The following CSMD1 variants were observed in gnomAD, a reference collection of about 807,000 sequenced individuals.
CSMD1 encodes the protein CUB and sushi domain-containing protein 1.
In CSMD1, 213 loss-of-function variants were observed where a neutral mutation model predicts 417.5. The ratio of observed to expected loss-of-function variants is 0.51; its 90% CI spans 0.46 to 0.57. The LOEUF is 0.57. Among genes scored for constraint, CSMD1 ranks in the 20% least tolerant of loss-of-function variants. The probability of loss-of-function intolerance (pLI) is 0.00; values close to 1 mark genes in which losing one functional copy is unlikely to be tolerated. For missense variants in CSMD1, 6,923 were observed against 4,529.7 expected (o/e 1.53, Z -15.17); for synonymous variants, 2,862 against 1,736.8 (o/e 1.65, Z -16.11).
At chr8:3,517,876 C>A (rs1211792203) in intron 10 of CSMD1, among the ~76,000 whole-genome samples, 7 of 152,170 alleles carry the variant, frequency 4.6e-5, no homozygotes, top group South Asian at 2.1e-4. Context: ...CAACCCCATT[C>A]TTAAAGGAGA....
chr8:3,387,318 G>C (rs184264620), intron 18 of CSMD1, among the ~76,000 whole-genome samples, 176 bp downstream of exon 18: 13 of 152,288 alleles, frequency 8.5e-5, no homozygotes, highest in Non-Finnish European at 1.6e-4. Context: ...ATACACGGTG[G>C]TAGGTAAACT....
At chr8:4,451,760 A>G (rs145366842) in intron 2 of CSMD1, among the ~76,000 whole-genome samples, 7 of 152,178 alleles carry the variant, frequency 4.6e-5, no homozygotes, top group African/African-American at 1.7e-4. Flanking sequence ...TGATACAGAT[A>G]GAACCATCAG....
At chr8:3,486,772 C>A (rs1434974923) in intron 11 of CSMD1, among the ~76,000 whole-genome samples, 1 of 152,336 alleles carries the variant, frequency 6.6e-6, no homozygotes, top group Non-Finnish European at 1.5e-5. Flanking sequence ...CCTGACTCTG[C>A]TGGCTTTCCC....
chr8:4,085,027 A>G (rs1049726046), intron 3 of CSMD1, among the ~76,000 whole-genome samples: 1 of 152,202 alleles, frequency 6.6e-6, no homozygotes, highest in Non-Finnish European at 1.5e-5. Context: ...TATGCAAACT[A>G]TCCACAAATT....
intron 6 of CSMD1, among the ~76,000 whole-genome samples, chr8:3,741,210 T>A (rs1457785820): frequency 1.3e-5 from 1 of 75,892 alleles, no homozygotes; most frequent in Non-Finnish European, 2.5e-5. Flanking sequence ...CAAGACTCCG[T>A]CTTAAAAAAA....
intron 68 of CSMD1, among the ~76,000 whole-genome samples, chr8:2,946,197 TGC>T (rs1802221742): frequency 6.6e-6 from 1 of 152,208 alleles, no homozygotes; most frequent in Non-Finnish European, 1.5e-5. Context: ...CTGGTGCATA[TGC>T]GATCTTTTGT....
At chr8:4,453,245 T>A (rs1056158395) in intron 2 of CSMD1, among the ~76,000 whole-genome samples, 24 of 129,624 alleles carry the variant, frequency 1.9e-4, no homozygotes, top group Middle Eastern at 4.0e-3. Flanking sequence ...ACACACACAC[T>A]GAACCTCCTA....
chr8:3,035,433 G>A (rs2128980265), intron 50 of CSMD1, among the ~76,000 whole-genome samples: 1 of 152,274 alleles, frequency 6.6e-6, no homozygotes, highest in South Asian at 2.1e-4. Context: ...AACCAAGCCA[G>A]AATTTCCATC....
At chr8:3,678,791 G>T (rs1332618705) in intron 7 of CSMD1, among the ~76,000 whole-genome samples, 1 of 152,112 alleles carries the variant, frequency 6.6e-6, no homozygotes, top group East Asian at 1.9e-4. Context: ...CAGAGAGAAA[G>T]GTCGGGTTAC....
intron 3 of CSMD1, among the ~76,000 whole-genome samples, chr8:4,410,953 G>T (rs1056260182): frequency 1.3e-5 from 2 of 152,120 alleles, no homozygotes; most frequent in Admixed American, 6.5e-5. Context: ...AGTGGGACTA[G>T]GTTAGTTATT....
chr8:4,290,688 A>C (rs779317478), intron 3 of CSMD1, among the ~76,000 whole-genome samples: 78 of 152,248 alleles, frequency 5.1e-4, no homozygotes, highest in Non-Finnish European at 9.7e-4. Context: ...AGCTTCAACT[A>C]CAAAATAATG....
At chr8:4,767,331 A>G (rs1418806515) in intron 1 of CSMD1, among the ~76,000 whole-genome samples, 3 of 152,238 alleles carry the variant, frequency 2.0e-5, no homozygotes, top group African/African-American at 7.2e-5. Flanking sequence ...TTTATTTTCA[A>G]ATGTAGAGAC....
chr8:4,600,292 A>T (rs1563323529), intron 2 of CSMD1, among the ~76,000 whole-genome samples: 1 of 152,104 alleles, frequency 6.6e-6, no homozygotes, highest in African/African-American at 2.4e-5. Flanking sequence ...GACCTTAGGT[A>T]CTCTATGTAG....
chr8:4,271,506 T>A (rs1407904705), intron 3 of CSMD1, among the ~76,000 whole-genome samples: 1 of 150,816 alleles, frequency 6.6e-6, no homozygotes, highest in Non-Finnish European at 1.5e-5. Context: ...TGCATCAAAA[T>A]CAGGAGATCT....
At chr8:4,109,576 G>A (rs766099556) in intron 3 of CSMD1, among the ~76,000 whole-genome samples, 1 of 152,102 alleles carries the variant, frequency 6.6e-6, no homozygotes, top group Non-Finnish European at 1.5e-5. Flanking sequence ...GTCAATGTCT[G>A]GAACTACGCA....
intron 1 of CSMD1, among the ~76,000 whole-genome samples, chr8:4,838,019 C>A (rs1402322874): frequency 6.6e-6 from 1 of 152,176 alleles, no homozygotes; most frequent in African/African-American, 2.4e-5. Flanking sequence ...TCTATGGGCC[C>A]AGGAGCTAAC....
intron 23 of CSMD1, among the ~76,000 whole-genome samples, chr8:3,325,372 C>G (rs1043085888): frequency 2.0e-5 from 3 of 152,256 alleles, no homozygotes; most frequent in African/African-American, 7.2e-5. Context: ...ATGATACCAT[C>G]TGTTGGCCTT....
At chr8:3,243,696 G>C (rs1268786811) in intron 26 of CSMD1, among the ~76,000 whole-genome samples, 1 of 151,704 alleles carries the variant, frequency 6.6e-6, no homozygotes, top group Non-Finnish European at 1.5e-5. Flanking sequence ...CTTAGCTTGG[G>C]CTCACAGGCC....
At chr8:4,340,461 G>A (rs1410391003) in intron 3 of CSMD1, among the ~76,000 whole-genome samples, 2 of 152,068 alleles carry the variant, frequency 1.3e-5, no homozygotes, top group African/African-American at 4.8e-5. Context: ...GGAATTATGG[G>A]TCTGTCTAGG....
Sources: allele counts gnomAD v4.1 joint callset (sites outside exome capture counted in the v4.1 genomes callset), GRCh38; gene constraint gnomAD v4.1.1; transcripts MANE v1.5; gene names NCBI Gene and HGNC (gene_info 2026-07-23, HGNC 2026-07-21).